Variants in GAS2 observed in about 807,000 individuals in gnomAD.
GAS2 encodes growth arrest specific 2, also known as growth arrest-specific protein 2.
Under a neutral mutation model 37.5 loss-of-function variants are expected in GAS2, and 20 were observed. The ratio of observed to expected loss-of-function variants is 0.53; its 90% CI spans 0.37 to 0.77. The LOEUF is 0.77. Among genes scored for constraint, GAS2 ranks in the 30% least tolerant of loss-of-function variants. The pLI is 0.00. For missense variants in GAS2, 336 were observed against 373.4 expected, an observed-to-expected ratio of 0.90 and a Z score of 0.82; for synonymous variants, 144 against 132.2, an observed-to-expected ratio of 1.09 and a Z score of -0.61.
upstream of GAS2, among the ~76,000 whole-genome samples, chr11:22,662,889 A>AT (rs1565071034): frequency 6.6e-6 from 1 of 151,874 alleles, no homozygotes; most frequent in East Asian, 1.9e-4. Flanking sequence ...TGCAAAAAAA[A>AT]AAAAAATAAA....
At chr11:22,772,846 T>G (rs1438426069) in intron 7 of GAS2, among the ~76,000 whole-genome samples, 1 of 152,212 alleles carries the variant, frequency 6.6e-6, no homozygotes, top group Admixed American at 6.5e-5. Context: ...CTACTTAAAG[T>G]TTAAATGCAG....
chr11:22,774,968 AAGAG>A (rs145755514), intron 7 of GAS2, among the ~76,000 whole-genome samples: 1 of 149,568 alleles, frequency 6.7e-6, no homozygotes, highest in Non-Finnish European at 1.5e-5. Context: ...AGATGAGGGG[AAGAG>A]AGAGAGAGAG....
At chr11:22,671,021 A>G (rs1349478847) in intron 1 of GAS2, among the ~76,000 whole-genome samples, 1 of 152,168 alleles carries the variant, frequency 6.6e-6, no homozygotes, top group Non-Finnish European at 1.5e-5. Flanking sequence ...GGTGGCATGG[A>G]AGAATACTTT....
chr11:22,653,821 T>C (rs1037496195), intron 1 of GAS2, among the ~76,000 whole-genome samples: 3 of 152,158 alleles, frequency 2.0e-5, no homozygotes, highest in Non-Finnish European at 4.4e-5. Context: ...CAATAGAGCA[T>C]AATAAAAGAC....
intron 7 of GAS2, among the ~76,000 whole-genome samples, chr11:22,767,205 C>T (rs185367293): frequency 7.6e-4 from 116 of 152,016 alleles, no homozygotes; most frequent in Middle Eastern, 3.4e-3. Flanking sequence ...TAAAACTTAT[C>T]GATGAAGAAA....
chr11:22,783,205 G>A (rs1855653382), intron 7 of GAS2, among the ~76,000 whole-genome samples: 1 of 137,394 alleles, frequency 7.3e-6, no homozygotes, highest in Admixed American at 7.5e-5. Flanking sequence ...GTGATGATGA[G>A]CATTTTTTCA....
chr11:22,807,219 A>T (rs2134680572), intron 7 of GAS2, among the ~76,000 whole-genome samples: 1 of 152,330 alleles, frequency 6.6e-6, no homozygotes, highest in East Asian at 1.9e-4. Context: ...TCCATAGAGA[A>T]GATCAGGAAA....
chr11:22,631,534 A>G (rs1413477004), intron 1 of GAS2, among the ~76,000 whole-genome samples: 3 of 152,008 alleles, frequency 2.0e-5, no homozygotes, highest in Admixed American at 6.6e-5. Flanking sequence ...TCATAAAGGG[A>G]TGCTGGATTT....
intron 7 of GAS2, among the ~76,000 whole-genome samples, chr11:22,758,474 G>A: frequency 6.6e-6 from 1 of 152,104 alleles, no homozygotes; most frequent in East Asian, 1.9e-4. Flanking sequence ...TTCACCCTGA[G>A]AGCAGCAGTG....
intron 2 of GAS2, among the ~76,000 whole-genome samples, chr11:22,675,223 A>G (rs1296179898): frequency 1.3e-5 from 2 of 152,212 alleles, no homozygotes; most frequent in African/African-American, 4.8e-5. Flanking sequence ...AGTAATTCCA[A>G]TATGATGCAC....
chr11:22,716,713 G>T (rs1180829703), intron 3 of GAS2, among the ~76,000 whole-genome samples: 1 of 151,610 alleles, frequency 6.6e-6, no homozygotes, highest in East Asian at 1.9e-4. Context: ...AACTGTTGCT[G>T]TTTACTGATG....
chr11:22,659,089 G>A (rs1220720056), intron 1 of GAS2, among the ~76,000 whole-genome samples: 1 of 152,172 alleles, frequency 6.6e-6, no homozygotes, highest in Non-Finnish European at 1.5e-5. Context: ...TTTTACATGT[G>A]TCAATGTGAC....
At chr11:22,675,084 C>T (rs1431695430) in intron 2 of GAS2, 70 bp downstream of exon 2, 1 of 1,467,892 alleles carries the variant, frequency 6.8e-7, no homozygotes, top group Non-Finnish European at 9.3e-7. Context: ...CCTGTAGTGT[C>T]CTTCACCTAA....
chr11:22,676,864 CTG>C (rs1012407100), intron 2 of GAS2, among the ~76,000 whole-genome samples: 1 of 152,072 alleles, frequency 6.6e-6, no homozygotes, highest in African/African-American at 2.4e-5. Context: ...TCTTATTGCA[CTG>C]TGTCTTGGTT....
chr11:22,660,417 C>T (rs1441644449), intron 1 of GAS2, among the ~76,000 whole-genome samples: 1 of 152,166 alleles, frequency 6.6e-6, no homozygotes, highest in Non-Finnish European at 1.5e-5. Flanking sequence ...ACCTAACATT[C>T]ATTTAAAACT....
At chr11:22,809,612 C>G (rs189006799) in intron 7 of GAS2, among the ~76,000 whole-genome samples, 1 of 151,506 alleles carries the variant, frequency 6.6e-6, no homozygotes, top group African/African-American at 2.4e-5. Context: ...CTCAGCCTCC[C>G]GAGTAGCTGA....
intron 1 of GAS2, among the ~76,000 whole-genome samples, chr11:22,629,459 C>T (rs890305216): frequency 2.6e-5 from 4 of 152,168 alleles, no homozygotes; most frequent in Admixed American, 6.5e-5. Context: ...TACATCCATG[C>T]CAACATCTAT....
intron 4 of GAS2, among the ~76,000 whole-genome samples, chr11:22,736,693 A>G (rs1211615623): frequency 1.3e-5 from 2 of 152,130 alleles, no homozygotes; most frequent in Admixed American, 1.3e-4. Flanking sequence ...TTATTACGGA[A>G]TTCTGTGTTT....
At chr11:22,764,903 A>G (rs1392748018) in intron 7 of GAS2, among the ~76,000 whole-genome samples, 2 of 152,220 alleles carry the variant, frequency 1.3e-5, no homozygotes, top group African/African-American at 4.8e-5. Context: ...TCAGTTAGCA[A>G]GGTTTACCAT....
Sources: allele counts gnomAD v4.1 joint callset (sites outside exome capture counted in the v4.1 genomes callset), GRCh38; gene constraint gnomAD v4.1.1; transcripts MANE v1.5; gene names NCBI Gene and HGNC (gene_info 2026-07-23, HGNC 2026-07-21).